The following SMARCC1 variants were observed in gnomAD, a reference collection of about 807,000 sequenced individuals.
The protein encoded by SMARCC1 is SWI/SNF related BAF chromatin remodeling complex subunit C1.
Under a neutral mutation model 147.4 loss-of-function variants are expected in SMARCC1, and 43 were observed. That is an observed-to-expected ratio of 0.29 (90% CI 0.23 to 0.38). The LOEUF is 0.38. Among genes scored for constraint, SMARCC1 ranks in the 10% least tolerant of loss-of-function variants. SMARCC1 has a pLI of 1.00. For synonymous variants in SMARCC1, 495 were observed against 484.4 expected, an observed-to-expected ratio of 1.02 and a Z score of -0.29; for missense variants, 1,119 against 1,381.1, an observed-to-expected ratio of 0.81 and a Z score of 3.01.
rs1269813870 is a variant in SMARCC1 at position 47,675,524 on chromosome 3, T to G, written c.1790A>C (p.Gln597Pro). The G allele has an allele frequency of 3.1e-6, 5 of 1,613,228 alleles. No homozygotes were observed. The African/African-American group carries it at 5.3e-5, about 17-fold the overall frequency. Residue 597 changes from glutamine to proline, a missense_variant, in exon 18 of 28, where the codon CAG becomes CCG. By Grantham distance (76) the Gln-to-Pro change is moderately conservative (BLOSUM62 -1). Coordinates refer to ENST00000254480, the MANE Select transcript of SMARCC1 (RefSeq NM_003074.4). ...EKNKEKPVDL[Q>P]NFGLRTDIYS... ...AATGTCAGTACGGAGACCAAAGTTC[T>G]GCAAATCAACTGGTTTTTCCTTGTT...
At chr3:47,678,374 G>A in intron 15 of SMARCC1, 63 bp from the exon 16 acceptor site, 1 of 716,648 alleles carries the variant, frequency 1.4e-6, no homozygotes, top group Admixed American at 2.8e-5. Context: ...ATGTTACTTA[G>A]AAACTCAAAA....
chr3:47,651,310 A>G (rs966793233), intron 21 of SMARCC1, among the ~76,000 whole-genome samples: 3 of 152,154 alleles, frequency 2.0e-5, no homozygotes, highest in South Asian at 2.1e-4. Context: ...TCTCAAATAT[A>G]TATGTCAGAC....
intron 19 of SMARCC1, among the ~76,000 whole-genome samples, chr3:47,667,426 AG>A (rs2033436547): frequency 1.3e-5 from 2 of 152,254 alleles, no homozygotes; most frequent in Admixed American, 6.5e-5. Context: ...TAATTATCTA[AG>A]GGAAAATAAA....
intron 11 of SMARCC1, among the ~76,000 whole-genome samples, chr3:47,698,974 T>A (rs781149385): frequency 1.3e-5 from 2 of 152,112 alleles, no homozygotes; most frequent in African/African-American, 2.4e-5. Flanking sequence ...AACAACTAAA[T>A]ACCTATGTGG....
chr3:47,635,675 CTA>C (rs1404650103), intron 23 of SMARCC1, among the ~76,000 whole-genome samples: 1 of 152,192 alleles, frequency 6.6e-6, no homozygotes, highest in Non-Finnish European at 1.5e-5. Context: ...TCTAGGAACT[CTA>C]GTGTCTGTAG....
intron 26 of SMARCC1, among the ~76,000 whole-genome samples, chr3:47,597,354 A>G (rs1478053510): frequency 6.6e-6 from 1 of 151,686 alleles, no homozygotes; most frequent in South Asian, 2.1e-4. Flanking sequence ...TTATTTTTTA[A>G]TTTTTTGAGA....
intron 12 of SMARCC1, 112 bp downstream of exon 12, chr3:47,693,129 A>C: frequency 1.4e-6 from 1 of 727,464 alleles, no homozygotes; most frequent in East Asian, 2.5e-5. Flanking sequence ...ATATTACACC[A>C]CTGCACTCCA....
intron 12 of SMARCC1, among the ~76,000 whole-genome samples, chr3:47,691,690 C>T (rs1007775759): frequency 4.6e-5 from 7 of 151,916 alleles, no homozygotes; most frequent in Non-Finnish European, 8.8e-5. Context: ...AATACCCACT[C>T]GTATCTGCCA....
At chr3:47,759,618 CAAAAAAAA>C (rs796811233) in intron 2 of SMARCC1, among the ~76,000 whole-genome samples, 1 of 63,770 alleles carries the variant, frequency 1.6e-5, no homozygotes, top group African/African-American at 6.4e-5. Flanking sequence ...GACTCCGTCT[CAAAAAAAA>C]AAAAAAAAAA....
chr3:47,769,023 C>T (rs1367018398), intron 2 of SMARCC1, among the ~76,000 whole-genome samples: 1 of 150,470 alleles, frequency 6.6e-6, no homozygotes, highest in Non-Finnish European at 1.5e-5. Flanking sequence ...CAGGAGTGGC[C>T]AACCTGGTGA....
intron 24 of SMARCC1, among the ~76,000 whole-genome samples, chr3:47,632,982 G>A (rs1240223135): frequency 6.6e-6 from 1 of 151,110 alleles, no homozygotes; most frequent in Non-Finnish European, 1.5e-5. Flanking sequence ...AAAAAAAAAA[G>A]GAGAAACTAA....
At chr3:47,744,513 T>C (rs567246324) in intron 3 of SMARCC1, among the ~76,000 whole-genome samples, 2 of 152,308 alleles carry the variant, frequency 1.3e-5, no homozygotes, top group African/African-American at 4.8e-5. Flanking sequence ...TTATTGTTGA[T>C]CTAAATATTT....
At chr3:47,640,719 C>T (rs1015118847) in intron 21 of SMARCC1, among the ~76,000 whole-genome samples, 2 of 152,094 alleles carry the variant, frequency 1.3e-5, no homozygotes, top group African/African-American at 4.8e-5. Context: ...AATTCCCCTA[C>T]CTCAGTCTAT....
At chr3:47,778,201 A>C (rs866503921) in intron 1 of SMARCC1, among the ~76,000 whole-genome samples, 20 of 136,996 alleles carry the variant, frequency 1.5e-4, no homozygotes, top group African/African-American at 5.9e-4. Context: ...AAAAAAAAAA[A>C]ACAAAAAACA....
intron 25 of SMARCC1, among the ~76,000 whole-genome samples, chr3:47,617,005 T>G (rs1430751037): frequency 6.6e-6 from 1 of 152,236 alleles, no homozygotes; most frequent in Non-Finnish European, 1.5e-5. Flanking sequence ...GTTGGGTGCC[T>G]CTACTCCTAG....
chr3:47,634,885 G>A (rs2032948031), intron 24 of SMARCC1, among the ~76,000 whole-genome samples: 1 of 152,126 alleles, frequency 6.6e-6, no homozygotes, highest in African/African-American at 2.4e-5. Context: ...AAGTTCTGCA[G>A]GCAAATTAAA....
Position 47,676,652 on chromosome 3 carries a change from G to A in SMARCC1, c.1702C>T (p.Pro568Ser), listed in dbSNP as rs756343581. Residue 568 changes from proline to serine, a missense_variant, in exon 17 of 28, where the codon CCT becomes TCT. Coordinates refer to ENST00000254480, the MANE Select transcript of SMARCC1 (RefSeq NM_003074.4). ...ACCTGAGGTGATCGAAGATGCAGAG[G>A]CACAAGCCCAGAGGGGGTATCAGCT... ...VLADTPSGLV[P>S]LHLRSPQVPA... 2 of 1,613,802 alleles carry A rather than the reference G, an allele frequency of 1.2e-6. No individual in the cohort carries two copies. Among genetic ancestry groups the A allele is most frequent in the Non-Finnish European group, 8.5e-7 (1 of 1,179,856 alleles).
chr3:47,635,060 G>A, intron 24 of SMARCC1, 130 bp downstream of exon 24: 1 of 757,212 alleles, frequency 1.3e-6, no homozygotes, highest in East Asian at 2.5e-5. Flanking sequence ...TCTTAACCTA[G>A]AAATGCCATT....
Position 47,683,650 on chromosome 3 carries a change from C to T in SMARCC1, c.1385+2399G>A, listed in dbSNP as rs1438631972. On this transcript the variant is annotated intron_variant, in intron 14 of 27. Coordinates refer to ENST00000254480, the MANE Select transcript of SMARCC1 (RefSeq NM_003074.4). ...GGTGGATCACCTGAGGTCAGGAGTTCGAGACCAGCCTGGTGGTGAGCCGAG... is the reference window on the plus strand; with the variant it reads ...GGTGGATCACCTGAGGTCAGGAGTTTGAGACCAGCCTGGTGGTGAGCCGAG... Among the ~76,000 whole-genome samples, 9 of 150,692 alleles carry T rather than the reference C, an allele frequency of 6.0e-5. No individual in the cohort carries two copies. The South Asian group carries it at 1.1e-3, about 18-fold the overall frequency.
Sources: gnomAD v4.1 joint callset for allele counts (sites outside exome capture counted in the v4.1 genomes callset) on GRCh38, gnomAD v4.1.1 for gene constraint, MANE v1.5 for transcripts, NCBI Gene and HGNC (gene_info 2026-07-23, HGNC 2026-07-21) for gene names.